Variants in GSE1 observed in about 807,000 individuals in gnomAD.
The protein encoded by GSE1 is genetic suppressor element 1.
GSE1 carries 32 observed loss-of-function variants against 112.6 expected under a neutral mutation model. The ratio of observed to expected loss-of-function variants is 0.28; its 90% CI spans 0.21 to 0.38. The LOEUF (loss-of-function observed/expected upper bound fraction) is 0.38, where lower values mean the gene tolerates loss of function less well. GSE1 is among the 10% of genes least tolerant of loss of function. The pLI is 1.00. For synonymous variants in GSE1, 1,115 were observed against 735.6 expected (o/e 1.52, Z -8.35); for missense variants, 2,348 against 1,699.2 (o/e 1.38, Z -6.71).
chr16:85,503,024 C>T (rs948829063), intron 2 of GSE1, among the ~76,000 whole-genome samples: 5 of 152,176 alleles, frequency 3.3e-5, no homozygotes, highest in African/African-American at 9.7e-5. Context: ...CATGAGGAGA[C>T]CACACTGAGC....
chr16:85,323,385 C>T (rs11646064), intron 1 of GSE1, among the ~76,000 whole-genome samples: 45,120 of 151,974 alleles, frequency 0.3, 8,144 homozygotes, highest in South Asian at 0.46. Flanking sequence ...TAGAGGTCAG[C>T]GGCACTGGCG....
At chr16:85,192,807 A>G (rs567632489) in intron 1 of GSE1, among the ~76,000 whole-genome samples, 18 of 152,216 alleles carry the variant, frequency 1.2e-4, no homozygotes, top group African/African-American at 4.3e-4. Context: ...AGGCAGAAGG[A>G]GAGAAGGCGA....
At chr16:85,321,241 G>T (rs544587940) in intron 1 of GSE1, among the ~76,000 whole-genome samples, 1 of 152,232 alleles carries the variant, frequency 6.6e-6, no homozygotes, top group Admixed American at 6.5e-5. Flanking sequence ...GCTCAAGTGT[G>T]CAGGCTTGTG....
intron 2 of GSE1, among the ~76,000 whole-genome samples, chr16:85,411,460 C>T (rs372843516): frequency 6.7e-4 from 6 of 8,910 alleles, no homozygotes; most frequent in Admixed American, 1.9e-3. Flanking sequence ...TAATCCTCAC[C>T]GTTACACTCA....
intron 1 of GSE1, among the ~76,000 whole-genome samples, chr16:85,268,837 C>T (rs1017525403): frequency 1.3e-5 from 2 of 152,138 alleles, no homozygotes; most frequent in Non-Finnish European, 2.9e-5. Context: ...TTGGGACCCC[C>T]GTGCTCTCTC....
At chr16:85,318,959 G>A (rs765393173) in intron 1 of GSE1, among the ~76,000 whole-genome samples, 5 of 152,236 alleles carry the variant, frequency 3.3e-5, no homozygotes, top group Non-Finnish European at 5.9e-5. Context: ...TGAAGAAGCA[G>A]GCTGGGCTGA....
At chr16:85,310,663 A>AGGGAGGGAGC (rs1244852230) in intron 1 of GSE1, among the ~76,000 whole-genome samples, 1 of 151,842 alleles carries the variant, frequency 6.6e-6, no homozygotes, top group Admixed American at 6.6e-5. Flanking sequence ...GCAGGGAGGG[A>AGGGAGGGAGC]GGGAGGGAGC....
chr16:85,238,335 C>T (rs745891711), intron 1 of GSE1, among the ~76,000 whole-genome samples: 9 of 152,222 alleles, frequency 5.9e-5, no homozygotes, highest in Non-Finnish European at 1.2e-4. Flanking sequence ...CCAGAACCAT[C>T]GCCTCTCACC....
intron 1 of GSE1, among the ~76,000 whole-genome samples, chr16:85,233,914 CT>C (rs1218418605): frequency 6.6e-6 from 1 of 152,114 alleles, no homozygotes; most frequent in Non-Finnish European, 1.5e-5. Context: ...CCCCTGCCCC[CT>C]GTCCACACAT....
At chr16:85,473,484 C>G (rs976727853) in intron 2 of GSE1, among the ~76,000 whole-genome samples, 1 of 152,126 alleles carries the variant, frequency 6.6e-6, no homozygotes, top group Non-Finnish European at 1.5e-5. Flanking sequence ...CTGGCAGGGC[C>G]GGGCTCTCTC....
rs547922857 is a variant in GSE1 at position 85,449,116 on chromosome 16, G to A, written c.2464+91473G>A. Among the ~76,000 whole-genome samples, 8 of 152,352 alleles carry A rather than the reference G, an allele frequency of 5.3e-5. No individual in the cohort carries two copies. In the South Asian group the frequency reaches 1.7e-3, roughly 32 times the overall value. On this transcript the variant is annotated intron_variant, in intron 2 of 2. Transcript: ENST00000637419. ...AGCCCCTGGGGCCAGTGAGGTGGGA[G>A]CAGGGAGCAGCTGGCCGGGGTGCCC...
intron 1 of GSE1, among the ~76,000 whole-genome samples, chr16:85,288,710 G>A (rs2045115926): frequency 6.6e-6 from 1 of 152,226 alleles, no homozygotes; most frequent in African/African-American, 2.4e-5. Context: ...ATGGGGTCCA[G>A]GCAGGCTTCC....
chr16:85,361,597 G>A (rs1186640396), intron 2 of GSE1, among the ~76,000 whole-genome samples: 1 of 152,250 alleles, frequency 6.6e-6, no homozygotes, highest in Non-Finnish European at 1.5e-5. Context: ...GGGGTGGCCA[G>A]GGCAGGTGGC....
intron 2 of GSE1, among the ~76,000 whole-genome samples, chr16:85,464,103 C>G (rs904355161): frequency 6.6e-6 from 1 of 152,144 alleles, no homozygotes; most frequent in African/African-American, 2.4e-5. Flanking sequence ...ATGCCTGGCC[C>G]CTCCTGGCTG....
chr16:85,626,816 T>C (rs2049108532), intron 1 of GSE1, among the ~76,000 whole-genome samples: 1 of 151,934 alleles, frequency 6.6e-6, no homozygotes, highest in African/African-American at 2.4e-5. Context: ...AATAAGCCCC[T>C]CCAGCCTCGT....
At chr16:85,655,387 G>C (rs1337816215) in intron 5 of GSE1, among the ~76,000 whole-genome samples, 1 of 152,230 alleles carries the variant, frequency 6.6e-6, no homozygotes, top group Non-Finnish European at 1.5e-5. Context: ...TCAGAGGTCA[G>C]AGGGGCCTGT....
rs1204820536 is a variant in GSE1 at position 85,272,777 on chromosome 16, CTTTTTTT to C, written c.2284-84674_2284-84668del. 7.1e-4 allele frequency among the ~76,000 whole-genome samples: 93 copies of C among 131,418 alleles called. 1 individual carries two copies. The highest frequency in any genetic ancestry group is 2.1e-3 in the African/African-American group (76 of 35,370). 86.2% of individuals were successfully genotyped at this position (131,418 alleles called of 152,430 possible). On this transcript the variant is annotated intron_variant, in intron 1 of 2. Coordinates refer to the GSE1 transcript ENST00000637419. ...TTGCTTGCTTGTTTTCTTCTCTTTT[CTTTTTTT>C]TTTTTTTTTTTGACGGAGTTTCACT... is the stretch of plus-strand genomic sequence containing the variant.
chr16:85,665,623 A>G (rs1176874749), intron 12 of GSE1, among the ~76,000 whole-genome samples: 1 of 152,208 alleles, frequency 6.6e-6, no homozygotes, highest in Non-Finnish European at 1.5e-5. Flanking sequence ...CTGCCCTGTC[A>G]GATGTCAGAG....
rs116318396 is a variant in GSE1, at chr16:85,179,696, T to C, written c.2283+7889T>C. Among the ~76,000 whole-genome samples the C allele has an allele frequency of 8.5e-3, 1,289 of 152,328 alleles. 19 individuals carry two copies. The highest frequency in any genetic ancestry group is 0.029 in the African/African-American group (1,185 of 41,566). On this transcript the variant is annotated intron_variant, in intron 1 of 2. Coordinates refer to the GSE1 transcript ENST00000637419. Reference sequence around the variant, plus strand: ...CAGTCCATCCTCTTACTCCTGGTCTTCAGGCAGTGGATTTGTGTTTGAAGA... The same window carrying C: ...CAGTCCATCCTCTTACTCCTGGTCTCCAGGCAGTGGATTTGTGTTTGAAGA...
Sources: allele counts gnomAD v4.1 joint callset (sites outside exome capture counted in the v4.1 genomes callset), GRCh38; gene constraint gnomAD v4.1.1; transcripts MANE v1.5; gene names NCBI Gene and HGNC (gene_info 2026-07-23, HGNC 2026-07-21).